PDK1: variants seen among roughly 807,000 people sequenced by gnomAD.
The protein encoded by PDK1 is pyruvate dehydrogenase kinase 1.
PDK1 carries 39 observed loss-of-function variants against 54.2 expected under a neutral mutation model. The ratio of observed to expected loss-of-function variants is 0.72; its 90% CI spans 0.56 to 0.94. The LOEUF is 0.94. Ranked by LOEUF, PDK1 falls within the 40% of genes least tolerant of loss-of-function variation. PDK1 has a pLI of 0.00. For synonymous variants in PDK1, 221 were observed against 207.1 expected, an observed-to-expected ratio of 1.07 and a Z score of -0.58; for missense variants, 552 against 566.0, an observed-to-expected ratio of 0.98 and a Z score of 0.25.
intron 7 of PDK1, 75 bp from the exon 8 acceptor site, chr2:172,570,651 T>C (rs1474932407): frequency 5.0e-6 from 4 of 800,974 alleles, no homozygotes; most frequent in Non-Finnish European, 8.5e-6. Context: ...CTTCAAATAG[T>C]GCATATGTAC....
At chr2:172,703,340 A>G in the PDK1 span, among the ~76,000 whole-genome samples, 1 of 152,200 alleles carries the variant, frequency 6.6e-6, no homozygotes, top group Admixed American at 6.5e-5. Flanking sequence ...GTGAGATAAT[A>G]TATTTTTGTG....
At chr2:172,570,850 C>CTTTTTT in intron 8 of PDK1, 26 bp downstream of exon 8, 1 of 999,304 alleles carries the variant, frequency 1.0e-6, no homozygotes, top group Non-Finnish European at 1.5e-6. Context: ...GGTTTGTTTT[C>CTTTTTT]TTTTTTTTTT....
chr2:172,712,327 C>A, the PDK1 span, among the ~76,000 whole-genome samples: 3 of 152,226 alleles, frequency 2.0e-5, no homozygotes, highest in African/African-American at 4.8e-5. Context: ...AGCCAGGAAC[C>A]TCTGTGGCTG....
intron 3 of PDK1, among the ~76,000 whole-genome samples, chr2:172,563,604 C>T (rs980597900): frequency 5.3e-5 from 8 of 152,250 alleles, no homozygotes; most frequent in South Asian, 2.1e-4. Context: ...GAGGCCGAGG[C>T]GGGCGGATCG....
At chr2:172,578,043 A>G (rs886424633) in intron 8 of PDK1, among the ~76,000 whole-genome samples, 1 of 152,118 alleles carries the variant, frequency 6.6e-6, no homozygotes, top group Admixed American at 6.5e-5. Context: ...GTTTTTGCTT[A>G]TCTGGAAATG....
chr2:172,681,943 A>T, the PDK1 span, among the ~76,000 whole-genome samples: 1 of 152,158 alleles, frequency 6.6e-6, no homozygotes, highest in Non-Finnish European at 1.5e-5. Flanking sequence ...TTTTTAGTAG[A>T]GACAGGATTT....
At chr2:172,583,289 T>TG (rs1272032991) in intron 8 of PDK1, among the ~76,000 whole-genome samples, 24 of 128,078 alleles carry the variant, frequency 1.9e-4, no homozygotes, top group African/African-American at 6.4e-4. Flanking sequence ...TGGTTTTTTT[T>TG]TTTTTTTTTT....
the PDK1 span, among the ~76,000 whole-genome samples, chr2:172,675,997 T>G: frequency 6.6e-6 from 1 of 152,080 alleles, no homozygotes; most frequent in African/African-American, 2.4e-5. Context: ...CTGCTTGTGC[T>G]TTATAAGTAA....
chr2:172,659,419 A>G, the PDK1 span, among the ~76,000 whole-genome samples: 1 of 152,118 alleles, frequency 6.6e-6, no homozygotes, highest in African/African-American at 2.4e-5. Flanking sequence ...TTCAACCCTA[A>G]CTGCATCTTT....
At chr2:172,560,508 G>T (rs1453624656) in intron 2 of PDK1, among the ~76,000 whole-genome samples, 1 of 152,170 alleles carries the variant, frequency 6.6e-6, no homozygotes, top group South Asian at 2.1e-4. Context: ...GCACATAAAG[G>T]TTAAATCTTT....
At chr2:172,633,938 C>T in the PDK1 span, among the ~76,000 whole-genome samples, 1 of 129,602 alleles carries the variant, frequency 7.7e-6, no homozygotes, top group East Asian at 2.4e-4. Flanking sequence ...TGCAGTGGCA[C>T]GATCTCGCCT....
chr2:172,642,116 T>C, the PDK1 span, among the ~76,000 whole-genome samples: 24 of 152,200 alleles, frequency 1.6e-4, no homozygotes, highest in Non-Finnish European at 1.9e-4. Flanking sequence ...CCACAAAACA[T>C]ACCCCATCGG....
the PDK1 span, among the ~76,000 whole-genome samples, chr2:172,713,659 C>T: frequency 1.1e-4 from 16 of 152,358 alleles, no homozygotes; most frequent in African/African-American, 3.8e-4. Context: ...AGGGAGAGGC[C>T]AGGCAACGCG....
the PDK1 span, among the ~76,000 whole-genome samples, chr2:172,624,524 C>T: frequency 7.9e-5 from 12 of 152,148 alleles, no homozygotes; most frequent in South Asian, 2.5e-3. Flanking sequence ...AAACCATCCC[C>T]CGAACACCAT....
At chr2:172,652,427 C>G in the PDK1 span, among the ~76,000 whole-genome samples, 3 of 152,170 alleles carry the variant, frequency 2.0e-5, no homozygotes, top group African/African-American at 7.2e-5. Flanking sequence ...GATGCCCTCT[C>G]TCACCACTCC....
At chr2:172,699,558 A>C in the PDK1 span, among the ~76,000 whole-genome samples, 4 of 149,636 alleles carry the variant, frequency 2.7e-5, no homozygotes, top group Non-Finnish European at 5.9e-5. Flanking sequence ...AAGACCACTC[A>C]GTCTCTGTGG....
In PDK1 at chr2:172,574,246, A is replaced by G. The variant is rs570224293; in HGVS notation, c.945+3422A>G. Among the ~76,000 whole-genome samples the G allele has an allele frequency of 2.9e-4, 44 of 152,322 alleles. 2 individuals carry two copies. The highest frequency in any genetic ancestry group is 2.4e-3 in the Admixed American group (36 of 15,292). On this transcript the variant is annotated intron_variant, in intron 8 of 10. Transcript: ENST00000282077. ...TCAAAAATCAATTGCTCATAAATGT[A>G]TGGGATTTATTTCTGGATTTTCAGT... is the stretch of plus-strand genomic sequence containing the variant.
In PDK1 at chr2:172,602,184, CT is replaced by C. The variant is rs1342262724; in HGVS notation, c.*6216del. ...TCTCAAAGCTACACTTGAGCAAAGA[CT>C]GTGAAATATTAATAGACCAATCTTG... On this transcript the variant is annotated 3_prime_UTR_variant, in exon 11 of 11. Coordinates refer to ENST00000282077, the MANE Select transcript of PDK1 (RefSeq NM_002610.5). The C allele has an allele frequency of 1.3e-5, 2 of 152,144 alleles. No individual in the cohort carries two copies. The highest frequency in any genetic ancestry group is 6.5e-5 in the Admixed American group (1 of 15,268). 9.4% of individuals were successfully genotyped at this position (152,144 alleles called of 1,614,324 possible).
the PDK1 span, among the ~76,000 whole-genome samples, chr2:172,712,469 G>A: frequency 6.6e-6 from 1 of 152,218 alleles, no homozygotes; most frequent in Admixed American, 6.5e-5. Flanking sequence ...ACAGGGCGGT[G>A]AGGGGTGTGT....
Sources: allele counts gnomAD v4.1 joint callset (sites outside exome capture counted in the v4.1 genomes callset), GRCh38; gene constraint gnomAD v4.1.1; transcripts MANE v1.5; gene names NCBI Gene and HGNC (gene_info 2026-07-23, HGNC 2026-07-21).